The following DNTTIP1 variants were observed in gnomAD, a reference collection of about 807,000 sequenced individuals.
The protein encoded by DNTTIP1 is deoxynucleotidyltransferase terminal interacting protein 1.
In DNTTIP1, 22 loss-of-function variants were observed where a neutral mutation model predicts 52.9. The observed-to-expected ratio is 0.42, with a 90% CI of 0.30 to 0.59. The LOEUF is 0.59. Ranked by LOEUF, DNTTIP1 falls within the 20% of genes least tolerant of loss-of-function variation. The pLI, the probability that DNTTIP1 is intolerant of heterozygous loss-of-function variation, is 0.22. For synonymous variants in DNTTIP1, 136 were observed against 155.1 expected (o/e 0.88, Z 0.92); for missense variants, 286 against 435.5 (o/e 0.66, Z 3.06).
At chr20:45,801,325 G>A (rs1981462025) in intron 5 of DNTTIP1, 77 bp from the exon 6 acceptor site, 4 of 1,533,854 alleles carry the variant, frequency 2.6e-6, no homozygotes, top group African/African-American at 1.4e-5. Context: ...GTAGTCCAGG[G>A]CTGTCTTCTG....
At chr20:45,794,727 T>C (rs1044419136) in intron 3 of DNTTIP1, among the ~76,000 whole-genome samples, 8 of 149,072 alleles carry the variant, frequency 5.4e-5, no homozygotes, top group Admixed American at 2.0e-4. Flanking sequence ...CGAGGCAGGA[T>C]CACTTGAGGC....
chr20:45,801,901 C>A, intron 6 of DNTTIP1, 98 bp from the exon 7 acceptor site: 1 of 1,204,280 alleles, frequency 8.3e-7, no homozygotes, highest in Non-Finnish European at 1.2e-6. Context: ...CATTTGATCT[C>A]TTTGGAAAAC....
At chr20:45,794,816 T>C (rs950613101) in intron 3 of DNTTIP1, among the ~76,000 whole-genome samples, 1 of 150,860 alleles carries the variant, frequency 6.6e-6, no homozygotes, top group African/African-American at 2.4e-5. Flanking sequence ...TTTTTTTTTT[T>C]TTGAGACAGA....
rs542141680 is a variant in DNTTIP1, at chr20:45,803,752, G to C, written c.603+374G>C. Reference sequence around the variant, plus strand: ...CTGTGAACCATTCTATAAATGAGGCGTTTCCTTTTCTGCCAGCTTCCCTGT... The same window carrying C: ...CTGTGAACCATTCTATAAATGAGGCCTTTCCTTTTCTGCCAGCTTCCCTGT... On this transcript the variant is annotated intron_variant, in intron 8 of 12. Coordinates refer to ENST00000372622, the MANE Select transcript of DNTTIP1 (RefSeq NM_052951.3). Among the ~76,000 whole-genome samples, 3 of 152,272 alleles carry C rather than the reference G, an allele frequency of 2.0e-5. No homozygotes were observed. In the South Asian group the frequency reaches 6.2e-4, roughly 32 times the overall value.
At chr20:45,803,097 C>T (rs1297235722) in intron 7 of DNTTIP1, 3 of 488,068 alleles carry the variant, frequency 6.1e-6, no homozygotes, top group African/African-American at 3.9e-5. Flanking sequence ...AGAAAACTGC[C>T]ACTCAGAGGT....
At chr20:45,795,543 A>T (rs1459054305) in intron 4 of DNTTIP1, 100 bp downstream of exon 4, 8 of 710,774 alleles carry the variant, frequency 1.1e-5, no homozygotes, top group Non-Finnish European at 1.6e-5. Flanking sequence ...TCACACATGT[A>T]ATCCCAGCAC....
At chr20:45,803,526 T>A in intron 8 of DNTTIP1, 148 bp downstream of exon 8, 1 of 825,186 alleles carries the variant, frequency 1.2e-6, no homozygotes, top group Non-Finnish European at 1.9e-6. Flanking sequence ...CCAGCCACAC[T>A]GGCCTCAGAG....
At chr20:45,796,688 C>G (rs1156894895) in intron 4 of DNTTIP1, 2 of 391,784 alleles carry the variant, frequency 5.1e-6, no homozygotes, top group African/African-American at 2.1e-5. Flanking sequence ...TAGTCGCTGG[C>G]TCACTTTCTC....
chr20:45,792,544 A>G, intron 1 of DNTTIP1, 133 bp from the exon 2 acceptor site: 1 of 686,098 alleles, frequency 1.5e-6, no homozygotes, highest in South Asian at 2.2e-5. Flanking sequence ...CTATCGTCCC[A>G]CCCCAAGGCG....
Position 45,803,361 on chromosome 20 carries a change from C to T in DNTTIP1, c.586C>T (p.Arg196Cys), listed in dbSNP as rs767080264. 52 of 1,614,016 alleles carry T rather than the reference C, an allele frequency of 3.2e-5. No homozygotes were observed. Among genetic ancestry groups the T allele is most frequent in the African/African-American group, 1.3e-4 (10 of 74,908 alleles). ...GAAACCAAAATCCTGTGAACCAATT[C>T]GCCGGGAAGGCCCCAAGGTATGATT... Reference protein sequence around the residue: ...VWKPKSCEPIRREGPKWDPAR... With the variant: ...VWKPKSCEPICREGPKWDPAR... The change falls in exon 8 of 13, where the codon CGC (arginine) becomes TGC (cysteine). Residue 196 changes from arginine (R) to cysteine (C), a missense_variant. Arg to Cys is a radical substitution (Grantham distance 180). Transcript: ENST00000372622.
At chr20:45,808,386 A>C (rs181317092) in intron 10 of DNTTIP1, among the ~76,000 whole-genome samples, 1 of 152,186 alleles carries the variant, frequency 6.6e-6, no homozygotes, top group Non-Finnish European at 1.5e-5. Flanking sequence ...CACACCTGTA[A>C]TCCCAGCACT....
intron 10 of DNTTIP1, 111 bp downstream of exon 10, chr20:45,805,477 G>T (rs1981604426): frequency 1.7e-6 from 2 of 1,208,082 alleles, no homozygotes; most frequent in African/African-American, 3.1e-5. Flanking sequence ...AGGACATCTG[G>T]GTTCTAGTTG....
intron 9 of DNTTIP1, 47 bp from the exon 10 acceptor site, chr20:45,805,259 A>T (rs1322195727): frequency 6.2e-7 from 1 of 1,614,050 alleles, no homozygotes; most frequent in Non-Finnish European, 8.5e-7. Context: ...GTTCACTAGT[A>T]GGACTACACT....
rs1375085711 is a variant in DNTTIP1 at position 45,792,101 on chromosome 20, G to C, written c.97G>C (p.Val33Leu). ...LGDAGAAGQL[V>L]LTNPWNIMIK... ...GGATGCGGGCGCAGCGGGGCAGCTG[G>C]TTCTTACGGTGAGGGCGCCCCCGGT... Residue 33 changes from valine (V) to leucine (L), a missense_variant, in exon 1 of 13, where the codon GTT becomes CTT. Physicochemically the swap from Val to Leu is conservative, Grantham distance 32. Coordinates refer to ENST00000372622, the MANE Select transcript of DNTTIP1 (RefSeq NM_052951.3). 1.6e-6 allele frequency: 2 copies of C among 1,283,242 alleles called. No homozygotes were observed. The highest frequency in any genetic ancestry group is 2.0e-6 in the Non-Finnish European group (2 of 1,013,550). 79.5% of individuals were successfully genotyped at this position (1,283,242 alleles called of 1,614,324 possible).
chr20:45,809,033 A>C lies in DNTTIP1; in HGVS notation c.724-81A>C. On this transcript the variant is annotated intron_variant, in intron 10 of 12. Transcript: ENST00000372622. The surrounding 1 kb of genome is among the most constrained non-coding windows in gnomAD (Gnocchi z 4.2). ...AAGGACTTTTGGTAAGAACTGCTCA[A>C]GGGCCAAGAGTATGCTCTGGGACCA... The C allele has an allele frequency of 3.2e-6, 4 of 1,258,626 alleles. No individual in the cohort carries two copies. The highest frequency in any genetic ancestry group is 2.3e-6 in the Non-Finnish European group (2 of 864,026). The allele number at this position is 1,258,626 out of a possible 1,614,324, so 78.0% of individuals were successfully genotyped here.
In DNTTIP1 at chr20:45,809,072, C is replaced by A. The variant is rs775266982; in HGVS notation, c.724-42C>A. 6.4e-7 allele frequency: 1 copy of A among 1,567,872 alleles called. No homozygotes were observed. Among genetic ancestry groups the A allele is most frequent in the African/African-American group, 1.4e-5 (1 of 73,952 alleles). On this transcript the variant is annotated intron_variant, in intron 10 of 12. Coordinates refer to ENST00000372622, the MANE Select transcript of DNTTIP1 (RefSeq NM_052951.3). The surrounding 1 kb of genome is among the most constrained non-coding windows in gnomAD (Gnocchi z 4.2). Reference sequence around the variant, plus strand: ...GCTCTGGGACCAAATGAGAAAAGCCCCTTACCCGAGGCTAATTTTCTTACA... The same window carrying A: ...GCTCTGGGACCAAATGAGAAAAGCCACTTACCCGAGGCTAATTTTCTTACA...
At position 45,805,133 on chromosome 20, in the gene DNTTIP1, A is replaced by G. The variant is rs371721880; in HGVS notation, c.604-13A>G. 3.7e-5 allele frequency: 59 copies of G among 1,613,726 alleles called. No individual in the cohort carries two copies. Among genetic ancestry groups the G allele is most frequent in the African/African-American group, 1.2e-4 (9 of 74,870 alleles). On this transcript the variant is annotated splice_polypyrimidine_tract_variant and intron_variant, in intron 8 of 12. Transcript: ENST00000372622. The stretch of plus-strand genomic sequence containing the variant: ...AAACTTCACCCTCACGAGCTTCTCT[A>G]TTTTTTGCACAGTGGGACCCAGCTC...
chr20:45,810,066 C>T (rs1458629879), intron 11 of DNTTIP1, among the ~76,000 whole-genome samples: 1 of 152,034 alleles, frequency 6.6e-6, no homozygotes, highest in Non-Finnish European at 1.5e-5. Context: ...CCTGGGAGAC[C>T]TGTGCACTTC....
In DNTTIP1 at chr20:45,810,950, G is replaced by A; in HGVS notation, c.851+10G>A. On this transcript the variant is annotated intron_variant, in intron 12 of 12. Transcript: ENST00000372622. ...CCAGTGATGATTACAGGTAAAACCA[G>A]TGGGTCTCCTGCCCCTTCTCCTCTC... 1 of 1,614,174 alleles carries A rather than the reference G, an allele frequency of 6.2e-7. No homozygotes were observed.
Sources: gnomAD v4.1 joint callset for allele counts (sites outside exome capture counted in the v4.1 genomes callset) on GRCh38, gnomAD v4.1.1 for gene constraint, Gnocchi (gnomAD v3.1) non-coding constraint, MANE v1.5 for transcripts, NCBI Gene and HGNC (gene_info 2026-07-23, HGNC 2026-07-21) for gene names.